The following KAZN variants were observed in gnomAD, a reference collection of about 807,000 sequenced individuals.
The protein encoded by KAZN is kazrin, periplakin interacting protein, also known as kazrin.
Under a neutral mutation model 87.4 loss-of-function variants are expected in KAZN, and 40 were observed. The observed-to-expected ratio is 0.46, with a 90% CI of 0.36 to 0.60. The LOEUF (loss-of-function observed/expected upper bound fraction) is 0.60. Ranked by LOEUF, KAZN falls within the 20% of genes least tolerant of loss-of-function variation. KAZN has a pLI of 0.00. For missense variants in KAZN, 898 were observed against 1,073.9 expected (o/e 0.84, Z 2.29); for synonymous variants, 466 against 458.3 (o/e 1.02, Z -0.22).
chr1:14,072,477 C>T (rs560006735), intron 1 of KAZN, among the ~76,000 whole-genome samples: 23 of 152,208 alleles, frequency 1.5e-4, no homozygotes, highest in African/African-American at 5.3e-4. Context: ...ATGGGCAAGA[C>T]CTCTCCAACA....
intron 1 of KAZN, among the ~76,000 whole-genome samples, chr1:14,654,236 G>A (rs532406217): frequency 2.0e-5 from 3 of 150,572 alleles, no homozygotes; most frequent in South Asian, 4.2e-4. Flanking sequence ...GCAGTGAGCC[G>A]GGATCGTGCC....
chr1:14,517,576 A>G (rs1571846910), intron 2 of KAZN, among the ~76,000 whole-genome samples: 1 of 152,246 alleles, frequency 6.6e-6, no homozygotes, highest in Non-Finnish European at 1.5e-5. Flanking sequence ...GACTCACAGC[A>G]TGAGCTTAAG....
At chr1:14,448,359 A>G (rs1667095892) in intron 2 of KAZN, among the ~76,000 whole-genome samples, 1 of 152,262 alleles carries the variant, frequency 6.6e-6, no homozygotes, top group South Asian at 2.1e-4. Flanking sequence ...AAAGGCCAAG[A>G]GGGAGAATGG....
chr1:15,043,172 G>A (rs1325044311), intron 3 of KAZN, among the ~76,000 whole-genome samples: 1 of 152,224 alleles, frequency 6.6e-6, no homozygotes, highest in African/African-American at 2.4e-5. Flanking sequence ...CTCACAGGCT[G>A]TGACCCTGTG....
intron 1 of KAZN, among the ~76,000 whole-genome samples, chr1:14,171,041 A>G (rs1217672045): frequency 1.3e-5 from 2 of 152,186 alleles, no homozygotes; most frequent in African/African-American, 4.8e-5. Flanking sequence ...ATGGAATTAC[A>G]AGGTGTGGTC....
At chr1:14,461,956 G>T (rs1427568644) in intron 2 of KAZN, among the ~76,000 whole-genome samples, 1 of 151,886 alleles carries the variant, frequency 6.6e-6, no homozygotes, top group Non-Finnish European at 1.5e-5. Context: ...GGGTGATATG[G>T]TTTGGCTGTG....
chr1:14,233,494 A>G (rs151124045), intron 2 of KAZN, among the ~76,000 whole-genome samples: 187 of 152,324 alleles, frequency 1.2e-3, no homozygotes, highest in African/African-American at 4.4e-3. Flanking sequence ...TATAAAGCAT[A>G]TAGCAAAAAT....
chr1:14,923,357 C>T lies in KAZN; in HGVS notation c.227-37327C>T, dbSNP rs1281906695. Among the ~76,000 whole-genome samples, 1 of 152,216 alleles carries T rather than the reference C, an allele frequency of 6.6e-6. No individual in the cohort carries two copies. Among genetic ancestry groups the T allele is most frequent in the Non-Finnish European group, 1.5e-5 (1 of 68,026 alleles). ...CACACTTACTTCACAGGAGCACTGC[C>T]AGCCTGAACACCCACTCCAGCGGGT... is the stretch of plus-strand genomic sequence containing the variant. On this transcript the variant is annotated intron_variant, in intron 1 of 14. Transcript: ENST00000376030. The surrounding 1 kb of genome is among the most constrained non-coding windows in gnomAD (Gnocchi z 4.2).
intron 1 of KAZN, among the ~76,000 whole-genome samples, chr1:13,984,081 GC>G (rs1331890124): frequency 2.0e-5 from 3 of 151,828 alleles, no homozygotes; most frequent in African/African-American, 7.3e-5. Context: ...TGTGATCTCC[GC>G]TCACTACAAG....
At chr1:14,838,666 C>A (rs1647572736) in intron 1 of KAZN, among the ~76,000 whole-genome samples, 1 of 152,106 alleles carries the variant, frequency 6.6e-6, no homozygotes, top group Non-Finnish European at 1.5e-5. Flanking sequence ...TGTCACCCAG[C>A]CTGGAGTGCA....
At chr1:14,650,032 C>CTTTT (rs34399319) in intron 1 of KAZN, among the ~76,000 whole-genome samples, 2 of 88,334 alleles carry the variant, frequency 2.3e-5, no homozygotes, top group African/African-American at 8.0e-5. Flanking sequence ...CTCCACCCAT[C>CTTTT]TTTTTTTTTT....
At chr1:14,238,835 A>G (rs1487810585) in intron 2 of KAZN, among the ~76,000 whole-genome samples, 2 of 152,212 alleles carry the variant, frequency 1.3e-5, no homozygotes, top group Non-Finnish European at 2.9e-5. Flanking sequence ...CACAAACACC[A>G]CCATTTCATT....
chr1:15,041,237 C>T (rs942473631), intron 3 of KAZN, among the ~76,000 whole-genome samples: 3 of 151,488 alleles, frequency 2.0e-5, no homozygotes, highest in Admixed American at 6.6e-5. Context: ...GCTGGGATTA[C>T]AGGCATGAGC....
chr1:14,928,485 T>C (rs1302339860), intron 1 of KAZN, among the ~76,000 whole-genome samples: 3 of 152,058 alleles, frequency 2.0e-5, no homozygotes, highest in Non-Finnish European at 4.4e-5. Context: ...AGACCCACAT[T>C]GTTTCTGGTC....
intron 2 of KAZN, among the ~76,000 whole-genome samples, chr1:14,481,408 T>C (rs189311274): frequency 7.1e-6 from 1 of 141,794 alleles, no homozygotes; most frequent in Non-Finnish European, 1.5e-5. Flanking sequence ...AGCTCAGTGT[T>C]AGGGCCAATT....
chr1:13,929,367 C>T (rs755639287), intron 1 of KAZN, among the ~76,000 whole-genome samples: 1 of 152,102 alleles, frequency 6.6e-6, no homozygotes, highest in Non-Finnish European at 1.5e-5. Flanking sequence ...CATTGGAGAG[C>T]GAGGTTGACT....
At chr1:14,752,967 A>G (rs892169077) in intron 1 of KAZN, among the ~76,000 whole-genome samples, 2 of 152,218 alleles carry the variant, frequency 1.3e-5, no homozygotes, top group Non-Finnish European at 2.9e-5. Context: ...AGGATGGACC[A>G]CAAAGGATCA....
intron 2 of KAZN, among the ~76,000 whole-genome samples, chr1:14,997,413 T>C (rs1258581787): frequency 6.6e-6 from 1 of 151,840 alleles, no homozygotes; most frequent in African/African-American, 2.4e-5. Flanking sequence ...GCTCATTTTG[T>C]ATTTTTGGTA....
At chr1:14,427,151 C>T (rs1665776626) in intron 2 of KAZN, among the ~76,000 whole-genome samples, 2 of 152,200 alleles carry the variant, frequency 1.3e-5, no homozygotes, top group Admixed American at 1.3e-4. Context: ...TCAGGAAATG[C>T]TTTTCTAAGG....
Sources: gnomAD v4.1 joint callset for allele counts (sites outside exome capture counted in the v4.1 genomes callset) on GRCh38, gnomAD v4.1.1 for gene constraint, Gnocchi (gnomAD v3.1) non-coding constraint, MANE v1.5 for transcripts, NCBI Gene and HGNC (gene_info 2026-07-23, HGNC 2026-07-21) for gene names.